Variants in ADAMTSL1 observed in about 807,000 individuals in gnomAD.
ADAMTSL1 encodes the protein ADAMTS like 1.
Under a neutral mutation model 201.8 loss-of-function variants are expected in ADAMTSL1, and 126 were observed. The observed-to-expected ratio is 0.62, with a 90% CI of 0.54 to 0.72. The LOEUF (loss-of-function observed/expected upper bound fraction) is 0.72, where lower values mean the gene tolerates loss of function less well. Among genes scored for constraint, ADAMTSL1 ranks in the 30% least tolerant of loss-of-function variants. ADAMTSL1 has a pLI of 0.00. For synonymous variants in ADAMTSL1, 1,121 were observed against 903.4 expected (o/e 1.24, Z -4.32); for missense variants, 2,679 against 2,277.8 (o/e 1.18, Z -3.59).
chr9:18,403,353 T>C (rs1034097836), intron 2 of ADAMTSL1, among the ~76,000 whole-genome samples: 1 of 151,892 alleles, frequency 6.6e-6, no homozygotes, highest in Non-Finnish European at 1.5e-5. Context: ...CCAGCTAATT[T>C]TTGTATTTTT....
At chr9:18,799,039 A>T (rs1433584175) in intron 20 of ADAMTSL1, among the ~76,000 whole-genome samples, 1 of 152,094 alleles carries the variant, frequency 6.6e-6, no homozygotes, top group African/African-American at 2.4e-5. Context: ...CTCAGCATGG[A>T]GATGGCCAGT....
In ADAMTSL1 at chr9:18,243,767, C is replaced by T. The variant is rs180947805; in HGVS notation, c.207+79786C>T. 1.9e-4 allele frequency among the ~76,000 whole-genome samples: 29 copies of T among 152,152 alleles called. No individual in the cohort carries two copies. The East Asian group carries it at 5.4e-3, about 28-fold the overall frequency. On this transcript the variant is annotated intron_variant, in intron 2 of 29. Coordinates refer to the ADAMTSL1 transcript ENST00000680146. ...GTCCACAGACCCAGGCATGCATACC[C>T]CAAGGCTTCCTGATATTTTCTTCCT...
intron 2 of ADAMTSL1, among the ~76,000 whole-genome samples, chr9:18,266,546 A>C (rs1832124374): frequency 6.6e-6 from 1 of 152,164 alleles, no homozygotes; most frequent in Non-Finnish European, 1.5e-5. Context: ...CTTCCTGTCG[A>C]TGAGCTCTGG....
At chr9:18,157,385 A>G (rs1237437574) in intron 1 of ADAMTSL1, among the ~76,000 whole-genome samples, 2 of 151,718 alleles carry the variant, frequency 1.3e-5, no homozygotes, top group African/African-American at 4.8e-5. Flanking sequence ...ATGATAAAGT[A>G]GGTATGCCTT....
chr9:18,196,757 C>G (rs781560775), intron 2 of ADAMTSL1, among the ~76,000 whole-genome samples: 103 of 152,040 alleles, frequency 6.8e-4, no homozygotes, highest in Non-Finnish European at 1.2e-3. Flanking sequence ...GCTTACTAAC[C>G]CTAGTCCTTC....
intron 4 of ADAMTSL1, among the ~76,000 whole-genome samples, chr9:18,613,756 G>A (rs1289102980): frequency 6.6e-6 from 1 of 152,104 alleles, no homozygotes; most frequent in Non-Finnish European, 1.5e-5. Flanking sequence ...AGGAGGGACA[G>A]GATCAGAAAA....
intron 25 of ADAMTSL1, among the ~76,000 whole-genome samples, chr9:18,892,042 T>C (rs955396686): frequency 1.3e-5 from 2 of 152,214 alleles, no homozygotes; most frequent in African/African-American, 4.8e-5. Flanking sequence ...TCACTCCACA[T>C]TCAGCCTTCA....
At chr9:18,854,438 G>A (rs1323900376) in intron 23 of ADAMTSL1, among the ~76,000 whole-genome samples, 3 of 152,158 alleles carry the variant, frequency 2.0e-5, no homozygotes, top group African/African-American at 7.2e-5. Flanking sequence ...ATACCATACA[G>A]ATACACAAGA....
intron 2 of ADAMTSL1, among the ~76,000 whole-genome samples, chr9:18,234,428 C>G (rs182653565): frequency 6.6e-5 from 10 of 152,226 alleles, no homozygotes; most frequent in African/African-American, 2.4e-4. Flanking sequence ...TTCTGGTGTT[C>G]TAGATGCTGC....
chr9:18,844,250 A>G (rs2131335869), intron 23 of ADAMTSL1, among the ~76,000 whole-genome samples: 1 of 152,212 alleles, frequency 6.6e-6, no homozygotes, highest in East Asian at 1.9e-4. Context: ...TTTTCCTTCT[A>G]ACAGACAGGA....
chr9:18,507,096 A>G (rs77354035), intron 2 of ADAMTSL1, among the ~76,000 whole-genome samples: 3,909 of 152,306 alleles, frequency 0.026, 120 homozygotes, highest in South Asian at 0.079. Flanking sequence ...AGAACTATTT[A>G]TATATGCCCT....
chr9:18,386,110 ACTCC>A (rs1239775882), intron 2 of ADAMTSL1, among the ~76,000 whole-genome samples: 1 of 151,924 alleles, frequency 6.6e-6, no homozygotes. Context: ...TTTAGCTCTA[ACTCC>A]CTCCCTCTTT....
intron 1 of ADAMTSL1, among the ~76,000 whole-genome samples, chr9:18,121,617 A>T (rs1564011522): frequency 6.6e-6 from 1 of 152,198 alleles, no homozygotes; most frequent in African/African-American, 2.4e-5. Context: ...AAAAGAGATA[A>T]TTTTTATTAA....
At chr9:18,430,051 A>T (rs1421040616) in intron 2 of ADAMTSL1, among the ~76,000 whole-genome samples, 1 of 152,076 alleles carries the variant, frequency 6.6e-6, no homozygotes, top group Non-Finnish European at 1.5e-5. Context: ...CAGCCTCCCA[A>T]AGTGCTGGGA....
At chr9:18,485,496 G>T (rs1821944142) in intron 1 of ADAMTSL1, among the ~76,000 whole-genome samples, 1 of 152,104 alleles carries the variant, frequency 6.6e-6, no homozygotes, top group Non-Finnish European at 1.5e-5. Flanking sequence ...AAAAATAATA[G>T]ACCGAGGCAG....
At chr9:17,907,698 T>C (rs1432166680) in intron 1 of ADAMTSL1, among the ~76,000 whole-genome samples, 1 of 152,164 alleles carries the variant, frequency 6.6e-6, no homozygotes, top group Non-Finnish European at 1.5e-5. Flanking sequence ...AGTGGTTTAT[T>C]ATCACAAGAC....
chr9:18,166,333 C>T (rs1348613941), intron 2 of ADAMTSL1, among the ~76,000 whole-genome samples: 4 of 151,882 alleles, frequency 2.6e-5, no homozygotes, highest in African/African-American at 7.2e-5. Context: ...CCCACCATGC[C>T]TATCCTCTAT....
intron 2 of ADAMTSL1, among the ~76,000 whole-genome samples, chr9:18,227,323 T>TA (rs147999546): frequency 0.012 from 1,868 of 152,260 alleles, 51 homozygotes; most frequent in African/African-American, 0.043. Flanking sequence ...TCAGATACCC[T>TA]ACCCCAAGCA....
intron 1 of ADAMTSL1, among the ~76,000 whole-genome samples, chr9:17,958,541 G>C (rs972748191): frequency 6.6e-6 from 1 of 152,128 alleles, no homozygotes; most frequent in African/African-American, 2.4e-5. Context: ...ATGAGGAACA[G>C]CTCATTAATT....
Sources: allele counts gnomAD v4.1 joint callset (sites outside exome capture counted in the v4.1 genomes callset), GRCh38; gene constraint gnomAD v4.1.1; transcripts MANE v1.5; gene names NCBI Gene and HGNC (gene_info 2026-07-23, HGNC 2026-07-21).